The following ADAMTS9 variants were observed in gnomAD, a reference collection of about 807,000 sequenced individuals.
The protein encoded by ADAMTS9 is A disintegrin and metalloproteinase with thrombospondin motifs 9.
Under a neutral mutation model 257.1 loss-of-function variants are expected in ADAMTS9, and 107 were observed. That is an observed-to-expected ratio of 0.42 (90% CI 0.36 to 0.49). The LOEUF (loss-of-function observed/expected upper bound fraction) is 0.49. Ranked by LOEUF, ADAMTS9 falls within the 20% of genes least tolerant of loss-of-function variation. The pLI is 0.03. For missense variants in ADAMTS9, 2,353 were observed against 2,469.1 expected (o/e 0.95, Z 1.00); for synonymous variants, 982 against 880.9 (o/e 1.11, Z -2.03).
chr3:64,546,243 T>A (rs937816559), intron 32 of ADAMTS9, among the ~76,000 whole-genome samples: 1 of 150,302 alleles, frequency 6.7e-6, no homozygotes, highest in Non-Finnish European at 1.5e-5. Flanking sequence ...CATTTAAGAT[T>A]TTTTTTTTTT....
In ADAMTS9 at chr3:64,633,820, G is replaced by A. The variant is rs767305291; in HGVS notation, c.1916C>T (p.Thr639Met). 1.2e-5 allele frequency: 20 copies of A among 1,613,166 alleles called. No homozygotes were observed. Among genetic ancestry groups the A allele is most frequent in the Middle Eastern group, 3.3e-4 (2 of 6,076 alleles). ...GRRMKFKSCN[T>M]EPCLKQKRDF... ...TCGCTTCTGCTTGAGACATGGCTCC[G>A]TGTTGCAGGACTTAAATTTCATTCT... The change falls in exon 13 of 40, where the codon ACG (threonine) becomes ATG (methionine). Residue 639 changes from threonine to methionine, a missense_variant. By Grantham distance (81) the Thr-to-Met change is moderately conservative. This residue lies in a region of ADAMTS9 where 360 missense variants were observed against 458.1 expected (regional missense o/e 0.79). Transcript: ENST00000498707.
Position 64,651,146 on chromosome 3 carries a change from T to C in ADAMTS9, c.1334A>G (p.Asp445Gly). 2 of 1,585,074 alleles carry C rather than the reference T, an allele frequency of 1.3e-6. No individual in the cohort carries two copies. Among genetic ancestry groups the C allele is most frequent in the African/African-American group, 1.4e-5 (1 of 73,030 alleles). The change falls in exon 9 of 40, where the codon GAT becomes GGT. Residue 445 changes from aspartate (D) to glycine (G), a missense_variant. Transcript: ENST00000498707. ...TTCTTCTTTACATTTGTTGTTGTCA[T>C]CATGAGGCATGTTAAACCTAAAGCC... is the stretch of plus-strand genomic sequence containing the variant. ...ELGHVFNMPH[D>G]DNNKCKEEGV...
intron 19 of ADAMTS9, among the ~76,000 whole-genome samples, chr3:64,616,893 G>A (rs1328511355): frequency 6.6e-6 from 1 of 152,142 alleles, no homozygotes; most frequent in Non-Finnish European, 1.5e-5. Flanking sequence ...TGTGTGGTTT[G>A]TTGGTTACCA....
At chr3:64,626,281 G>A (rs1157018506) in intron 16 of ADAMTS9, among the ~76,000 whole-genome samples, 1 of 152,160 alleles carries the variant, frequency 6.6e-6, no homozygotes, top group Admixed American at 6.5e-5. Flanking sequence ...AAGGCCAGGT[G>A]GCTCCTAATC....
chr3:64,671,106 T>A (rs1701474783), intron 3 of ADAMTS9, among the ~76,000 whole-genome samples: 1 of 152,226 alleles, frequency 6.6e-6, no homozygotes, highest in South Asian at 2.1e-4. Flanking sequence ...TTATAGTGGC[T>A]TTATTTGTAA....
intron 2 of ADAMTS9, among the ~76,000 whole-genome samples, chr3:64,683,925 T>C (rs1354637573): frequency 6.6e-6 from 1 of 151,436 alleles, no homozygotes; most frequent in Non-Finnish European, 1.5e-5. Flanking sequence ...GGGGGAGAGA[T>C]GACATCAACA....
chr3:64,550,865 C>T (rs370739600), intron 31 of ADAMTS9, 27 bp downstream of exon 31: 7 of 1,612,328 alleles, frequency 4.3e-6, no homozygotes, highest in African/African-American at 4.0e-5. Flanking sequence ...GCTGAGCTGA[C>T]GATGGTTACA....
At chr3:64,532,494 G>T (rs1343245126) in intron 38 of ADAMTS9, among the ~76,000 whole-genome samples, 4 of 152,134 alleles carry the variant, frequency 2.6e-5, no homozygotes, top group Non-Finnish European at 4.4e-5. Flanking sequence ...ACCGTCGTAA[G>T]TCAGGGACCA....
chr3:64,537,217 C>T (rs1400763461), intron 37 of ADAMTS9, among the ~76,000 whole-genome samples: 1 of 152,126 alleles, frequency 6.6e-6, no homozygotes, highest in Non-Finnish European at 1.5e-5. Context: ...GCTTCATTGT[C>T]AGGATTTAGC....
At chr3:64,680,559 A>C (rs547106223) in intron 3 of ADAMTS9, among the ~76,000 whole-genome samples, 144 of 152,292 alleles carry the variant, frequency 9.5e-4, no homozygotes, top group African/African-American at 3.4e-3. Flanking sequence ...ACAATGGCCA[A>C]ACATGTCAGC....
In ADAMTS9 at chr3:64,613,512, G is replaced by C; in HGVS notation, c.3190-3C>G. 5.6e-6 allele frequency: 9 copies of C among 1,612,160 alleles called. No individual in the cohort carries two copies. Among genetic ancestry groups the C allele is most frequent in the Non-Finnish European group, 7.6e-6 (9 of 1,179,178 alleles). Reference sequence around the variant, plus strand: ...CCTTTTCCACAGGTGACCAAGCACTGTAATGAAAAGCGGAGCTAGTCAGGG... The same window carrying C: ...CCTTTTCCACAGGTGACCAAGCACTCTAATGAAAAGCGGAGCTAGTCAGGG... On this transcript the variant is annotated splice_region_variant and splice_polypyrimidine_tract_variant and intron_variant, in intron 21 of 39. Coordinates refer to ENST00000498707, the MANE Select transcript of ADAMTS9 (RefSeq NM_182920.2).
At chr3:64,641,164 A>G (rs1700626969) in intron 12 of ADAMTS9, among the ~76,000 whole-genome samples, 1 of 152,208 alleles carries the variant, frequency 6.6e-6, no homozygotes, top group Non-Finnish European at 1.5e-5. Context: ...GAAGGAATAT[A>G]TTAGTCTACA....
intron 22 of ADAMTS9, among the ~76,000 whole-genome samples, chr3:64,610,031 C>T (rs1388675928): frequency 6.6e-6 from 1 of 152,224 alleles, no homozygotes; most frequent in Non-Finnish European, 1.5e-5. Context: ...ACAGCCTCTT[C>T]AGCAAGTGGT....
intron 30 of ADAMTS9, among the ~76,000 whole-genome samples, chr3:64,555,206 G>C (rs1160899135): frequency 6.6e-6 from 1 of 152,162 alleles, no homozygotes; most frequent in Non-Finnish European, 1.5e-5. Flanking sequence ...ATCTAGCGTT[G>C]CTTTAAATGG....
At chr3:64,526,255 T>G (rs930016948) in intron 38 of ADAMTS9, among the ~76,000 whole-genome samples, 1 of 151,838 alleles carries the variant, frequency 6.6e-6, no homozygotes. Flanking sequence ...TTATTACACA[T>G]TGTATACACG....
chr3:64,659,182 T>C (rs1233913365), intron 3 of ADAMTS9, among the ~76,000 whole-genome samples: 1 of 152,172 alleles, frequency 6.6e-6, no homozygotes. Flanking sequence ...AAAACTTAAA[T>C]GGAGGCTGGG....
chr3:64,620,213 G>A (rs1330497092), intron 19 of ADAMTS9, among the ~76,000 whole-genome samples: 1 of 152,134 alleles, frequency 6.6e-6, no homozygotes, highest in Admixed American at 6.5e-5. Context: ...GCAGACATTA[G>A]TAGTCAATCT....
chr3:64,601,677 T>C (rs1312571367), intron 26 of ADAMTS9, among the ~76,000 whole-genome samples: 2 of 152,138 alleles, frequency 1.3e-5, no homozygotes, highest in Non-Finnish European at 2.9e-5. Context: ...GTATTTACGG[T>C]ACCTCCAGGA....
intron 30 of ADAMTS9, among the ~76,000 whole-genome samples, chr3:64,559,414 C>A (rs777844725): frequency 1.3e-5 from 2 of 152,182 alleles, no homozygotes; most frequent in Non-Finnish European, 2.9e-5. Context: ...ACTTTCACCA[C>A]CCCAGTATTC....
Sources: gnomAD v4.1 joint callset for allele counts (sites outside exome capture counted in the v4.1 genomes callset) on GRCh38, gnomAD v4.1.1 for gene constraint, gnomAD v4.1.1 regional missense constraint, MANE v1.5 for transcripts, NCBI Gene and HGNC (gene_info 2026-07-23, HGNC 2026-07-21) for gene names.